Variants in UBR3 observed in about 807,000 individuals in gnomAD.
UBR3 encodes ubiquitin protein ligase E3 component n-recognin 3.
Under a neutral mutation model 243.2 loss-of-function variants are expected in UBR3, and 85 were observed. The ratio of observed to expected loss-of-function variants is 0.35; its 90% confidence interval spans 0.29 to 0.42. The LOEUF (loss-of-function observed/expected upper bound fraction) is 0.42. Ranked by LOEUF, UBR3 falls within the 10% of genes least tolerant of loss-of-function variation. The pLI is 1.00. For missense variants in UBR3, 1,686 were observed against 2,300.8 expected (o/e 0.73, Z 5.47); for synonymous variants, 748 against 799.8 (o/e 0.94, Z 1.09).
chr2:169,970,345 T>C (rs1206911175), intron 24 of UBR3, among the ~76,000 whole-genome samples: 1 of 150,450 alleles, frequency 6.6e-6, no homozygotes, highest in African/African-American at 2.5e-5. Flanking sequence ...TATTATACTT[T>C]AAGTTCTAGG....
intron 7 of UBR3, 139 bp from the exon 8 acceptor site, chr2:169,896,368 T>G: frequency 1.8e-6 from 1 of 558,856 alleles, no homozygotes. Flanking sequence ...TACCTCACCA[T>G]CGAGATTTTT....
In UBR3 at chr2:169,847,949, G is replaced by C. The variant is rs189610251; in HGVS notation, c.545+19897G>C. 3.7e-4 allele frequency among the ~76,000 whole-genome samples: 55 copies of C among 150,130 alleles called. 1 individual carries two copies. In the Middle Eastern group the frequency reaches 0.01, roughly 28 times the overall value. On this transcript the variant is annotated intron_variant, in intron 1 of 38. Coordinates refer to ENST00000272793, the MANE Select transcript of UBR3 (RefSeq NM_172070.4). ...AGATTTCTGGGATTATTTCTCTGTG[G>C]AATTCTTTACTTTTTAGTACTCTGT...
chr2:169,866,274 A>G (rs1333967240), intron 1 of UBR3, among the ~76,000 whole-genome samples: 1 of 137,910 alleles, frequency 7.3e-6, no homozygotes, highest in Non-Finnish European at 1.6e-5. Flanking sequence ...AAAAAAAAGC[A>G]AAAAAAGCTT....
At chr2:169,941,623 T>A (rs956874240) in intron 19 of UBR3, among the ~76,000 whole-genome samples, 52 of 152,214 alleles carry the variant, frequency 3.4e-4, no homozygotes, top group African/African-American at 1.2e-3. Context: ...TGTAATCTAT[T>A]ATCACTTACT....
At chr2:170,079,437 G>C (rs1239489686) in intron 36 of UBR3, among the ~76,000 whole-genome samples, 1 of 152,030 alleles carries the variant, frequency 6.6e-6, no homozygotes, top group African/African-American at 2.4e-5. Flanking sequence ...ATCAAAACTT[G>C]GTTTTAAAAA....
In UBR3 at chr2:169,908,821, C is replaced by CTT. The variant is rs11388865; in HGVS notation, c.1779+2676_1779+2677dup. ...ACCTTCAGTAGGAAAGTGATTGGTCCTTTTTTTTTTTTTTTTTTTTGAGAC... is the reference window on the plus strand; with the variant it reads ...ACCTTCAGTAGGAAAGTGATTGGTCCTTTTTTTTTTTTTTTTTTTTTTGAGAC... On this transcript the variant is annotated intron_variant, in intron 10 of 38. Coordinates refer to ENST00000272793, the MANE Select transcript of UBR3 (RefSeq NM_172070.4). Among the ~76,000 whole-genome samples the CTT allele has an allele frequency of 1.5e-3, 189 of 124,028 alleles. 2 individuals carry two copies. The highest frequency in any genetic ancestry group is 5.1e-3 in the African/African-American group (169 of 33,006). 81.4% of individuals were successfully genotyped at this position (124,028 alleles called of 152,430 possible).
rs1574219241 is a variant in UBR3, at chr2:169,926,987, A to G, written c.2338+16A>G. The G allele has an allele frequency of 1.3e-6, 2 of 1,545,928 alleles. No individual in the cohort carries two copies. Among genetic ancestry groups the G allele is most frequent in the East Asian group, 4.9e-5 (2 of 40,756 alleles). ...TTACATTTAGGTAAAACTCACTGAT[A>G]CTAATACTTATGCATTAACTGTTTT... On this transcript the variant is annotated intron_variant, in intron 16 of 38. Coordinates refer to ENST00000272793, the MANE Select transcript of UBR3 (RefSeq NM_172070.4).
chr2:170,047,114 A>T (rs960632803), intron 32 of UBR3, among the ~76,000 whole-genome samples: 3 of 151,652 alleles, frequency 2.0e-5, no homozygotes, highest in Non-Finnish European at 4.4e-5. Context: ...CCTGCCTCAG[A>T]CTCCCCATGT....
intron 26 of UBR3, 37 bp from the exon 27 acceptor site, chr2:170,001,267 T>C (rs1304138974): frequency 7.0e-7 from 1 of 1,436,102 alleles, no homozygotes; most frequent in Non-Finnish European, 9.8e-7. Flanking sequence ...TGTACTTCTT[T>C]AAAATTAATT....
At chr2:169,874,817 C>T (rs760294094) in intron 2 of UBR3, among the ~76,000 whole-genome samples, 1 of 152,150 alleles carries the variant, frequency 6.6e-6, no homozygotes, top group Non-Finnish European at 1.5e-5. Context: ...TTCCTGGGCA[C>T]ACAGGTTCTC....
At chr2:169,832,825 C>T (rs763251846) in intron 1 of UBR3, among the ~76,000 whole-genome samples, 3 of 151,602 alleles carry the variant, frequency 2.0e-5, no homozygotes, top group Non-Finnish European at 4.4e-5. Context: ...CCCAGCTACT[C>T]TGGAGGCTGA....
chr2:170,055,329 A>T lies in UBR3; in HGVS notation c.4661-131A>T, dbSNP rs2091309096. ...CAGACTGAGACCTCGTCTCAAAAAC[A>T]AACAAAAAAACTATTAAGTGTTGAA... is the stretch of plus-strand genomic sequence containing the variant. On this transcript the variant is annotated intron_variant, in intron 32 of 38. Coordinates refer to ENST00000272793, the MANE Select transcript of UBR3 (RefSeq NM_172070.4). The T allele has an allele frequency of 2.8e-6, 3 of 1,084,186 alleles. No individual in the cohort carries two copies. In the African/African-American group the frequency reaches 4.8e-5, roughly 17 times the overall value. The allele number at this position is 1,084,186 out of a possible 1,614,324, so 67.2% of individuals were successfully genotyped here. A position where few individuals can be genotyped will look rare whatever the true frequency, so the allele number is the denominator to read the frequency against.
At chr2:169,979,047 A>C (rs1160372413) in intron 24 of UBR3, among the ~76,000 whole-genome samples, 1 of 152,208 alleles carries the variant, frequency 6.6e-6, no homozygotes, top group Non-Finnish European at 1.5e-5. Flanking sequence ...AAAAGATATA[A>C]ATAATTCAAC....
At chr2:170,055,337 A>G (rs1052434967) in intron 32 of UBR3, 123 bp from the exon 33 acceptor site, 8 of 1,165,234 alleles carry the variant, frequency 6.9e-6, no homozygotes, top group Non-Finnish European at 8.4e-6. Context: ...ACAAACAAAA[A>G]AACTATTAAG....
At chr2:169,963,410 G>A (rs2087668162) in intron 24 of UBR3, among the ~76,000 whole-genome samples, 2 of 152,040 alleles carry the variant, frequency 1.3e-5, no homozygotes, top group African/African-American at 4.8e-5. Context: ...TCTCAGAAAT[G>A]TTATTGACAT....
intron 26 of UBR3, among the ~76,000 whole-genome samples, chr2:169,999,942 C>T (rs12991406): frequency 0.42 from 63,355 of 151,876 alleles, 15,061 homozygotes; most frequent in Non-Finnish European, 0.54. Context: ...GCCTGACCAA[C>T]ATGGAGAAAC....
chr2:170,031,524 A>C (rs1447275456), intron 31 of UBR3, among the ~76,000 whole-genome samples: 1 of 152,082 alleles, frequency 6.6e-6, no homozygotes, highest in African/African-American at 2.4e-5. Flanking sequence ...TCTATTTTTT[A>C]AAATAATTTC....
chr2:170,077,337 C>T (rs2091830755), intron 36 of UBR3: 1 of 859,058 alleles, frequency 1.2e-6, no homozygotes, highest in East Asian at 2.5e-5. Flanking sequence ...AACTCACATT[C>T]ACCTCAGTAA....
chr2:169,954,196 T>A (rs1252652175), intron 23 of UBR3, among the ~76,000 whole-genome samples: 6 of 151,170 alleles, frequency 4.0e-5, no homozygotes, highest in Admixed American at 3.3e-4. Context: ...TTGTCTTGTC[T>A]TGTCTTGTCT....
Sources: gnomAD v4.1 joint callset for allele counts (sites outside exome capture counted in the v4.1 genomes callset) on GRCh38, gnomAD v4.1.1 for gene constraint, MANE v1.5 for transcripts, NCBI Gene and HGNC (gene_info 2026-07-23, HGNC 2026-07-21) for gene names.